The following ZC3H6 variants were observed in gnomAD, a reference collection of about 807,000 sequenced individuals.
The protein encoded by ZC3H6 is zinc finger CCCH domain-containing protein 6.
In ZC3H6, 40 loss-of-function variants were observed where a neutral mutation model predicts 107.7. That is an observed-to-expected ratio of 0.37 (90% CI 0.29 to 0.48). ZC3H6 has a LOEUF of 0.48. Ranked by LOEUF, ZC3H6 falls within the 20% of genes least tolerant of loss-of-function variation. The pLI, the probability that ZC3H6 is intolerant of heterozygous loss-of-function variation, is 0.98. For synonymous variants in ZC3H6, 493 were observed against 487.9 expected (o/e 1.01, Z -0.14); for missense variants, 1,267 against 1,410.4 (o/e 0.90, Z 1.63).
At chr2:112,323,053 G>C (rs1676835946) in intron 9 of ZC3H6, among the ~76,000 whole-genome samples, 151 bp downstream of exon 9, 1 of 152,132 alleles carries the variant, frequency 6.6e-6, no homozygotes. Context: ...TTCCACCTTT[G>C]TTTTCGGTTC....
At chr2:112,281,438 G>C (rs1279230587) in intron 1 of ZC3H6, among the ~76,000 whole-genome samples, 1 of 152,108 alleles carries the variant, frequency 6.6e-6, no homozygotes, top group Non-Finnish European at 1.5e-5. Flanking sequence ...TGAGTAGTAT[G>C]GTAAATGAGG....
rs539860553 is a variant in ZC3H6 at position 112,338,773 on chromosome 2, T to C, written c.*6285T>C. 1.1e-3 allele frequency: 157 copies of C among 149,522 alleles called. No individual in the cohort carries two copies. Among genetic ancestry groups the C allele is most frequent in the African/African-American group, 3.7e-3 (153 of 41,142 alleles). 9.3% of individuals were successfully genotyped at this position (149,522 alleles called of 1,614,324 possible). ...AATATATAGAGGCTCAATTAAAAAA[T>C]AACCATATTCTCAAACCTCCATTAC... On this transcript the variant is annotated 3_prime_UTR_variant, in exon 12 of 12. Transcript: ENST00000409871.
intron 6 of ZC3H6, among the ~76,000 whole-genome samples, chr2:112,316,995 T>G (rs963079435): frequency 6.6e-6 from 1 of 152,138 alleles, no homozygotes; most frequent in Non-Finnish European, 1.5e-5. Context: ...CAGTATCCTG[T>G]GAGGTCTTGC....
At chr2:112,327,352 C>T (rs970472921) in intron 11 of ZC3H6, among the ~76,000 whole-genome samples, 14 of 152,266 alleles carry the variant, frequency 9.2e-5, no homozygotes, top group African/African-American at 3.4e-4. Context: ...ATATTTCGCC[C>T]ATTTTTAAAT....
intron 1 of ZC3H6, among the ~76,000 whole-genome samples, chr2:112,281,427 G>T (rs1437234936): frequency 3.9e-5 from 6 of 152,164 alleles, no homozygotes; most frequent in Admixed American, 1.3e-4. Context: ...TATATGGTAA[G>T]TGAGTAGTAT....
At chr2:112,313,692 G>T (rs936738577) in intron 5 of ZC3H6, among the ~76,000 whole-genome samples, 2 of 152,116 alleles carry the variant, frequency 1.3e-5, no homozygotes, top group Non-Finnish European at 2.9e-5. Context: ...AGAAACAACT[G>T]GGAGTGTGCC....
In ZC3H6 at chr2:112,322,676, A is replaced by C; in HGVS notation, c.1114A>C (p.Asn372His). ...GTTGAATACTGATGAAGAACTCATA[A>C]ATGAAGATGAAAGAGAATTAGAGGA... ...KVLNTDEELI[N>H]EDERELEELR... The change falls in exon 9 of 12, where the codon AAT (asparagine) becomes CAT (histidine). Residue 372 changes from asparagine (N) to histidine (H), a missense_variant. Coordinates refer to ENST00000409871, the MANE Select transcript of ZC3H6 (RefSeq NM_198581.3). The C allele has an allele frequency of 6.2e-7, 1 of 1,608,682 alleles. No individual in the cohort carries two copies. Among genetic ancestry groups the C allele is most frequent in the Non-Finnish European group, 8.5e-7 (1 of 1,178,660 alleles).
rs1391507292 is a variant in ZC3H6 at position 112,325,057 on chromosome 2, G to T, written c.1946G>T (p.Arg649Met). The T allele has an allele frequency of 1.7e-5, 28 of 1,613,808 alleles. No individual in the cohort carries two copies. The highest frequency in any genetic ancestry group is 2.2e-5 in the Non-Finnish European group (26 of 1,179,872). Residue 649 changes from arginine to methionine, a missense_variant, in exon 11 of 12, where the codon AGG becomes ATG. Coordinates refer to ENST00000409871, the MANE Select transcript of ZC3H6 (RefSeq NM_198581.3). ...HGSGSDGSST[R>M]TGHGPLPVPG... is the part of the protein sequence containing the mutation. ...AGTGGGTCTGATGGCAGCAGCACTA[G>T]GACAGGCCATGGCCCTCTGCCTGTA... is the stretch of plus-strand genomic sequence containing the variant.
intron 2 of ZC3H6, among the ~76,000 whole-genome samples, chr2:112,302,622 C>T (rs1676401982): frequency 6.6e-6 from 1 of 152,058 alleles, no homozygotes; most frequent in African/African-American, 2.4e-5. Context: ...GATTTGGTCC[C>T]ATTTTTTTTG....
At position 112,322,870 on chromosome 2, in the gene ZC3H6, T is replaced by C; in HGVS notation, c.1308T>C (p.Pro436=). The change falls in exon 9 of 12, where the codon CCT becomes CCC. Residue 436 remains proline (P), a synonymous_variant. Transcript: ENST00000409871. ...CTCTTTTTGAAATAGTTGTAAAACCTACTGTGGATTTAGCGCATAAAATTG... is the reference window on the plus strand; with the variant it reads ...CTCTTTTTGAAATAGTTGTAAAACCCACTGTGGATTTAGCGCATAAAATTG... The part of the protein sequence containing the change: ...IPSLFEIVVK[P]TVDLAHKIGR... The C allele has an allele frequency of 1.9e-6, 3 of 1,607,302 alleles. 1 individual carries two copies. The South Asian group carries it at 3.4e-5, about 18-fold the overall frequency.
At position 112,303,360 on chromosome 2, in the gene ZC3H6, AT is replaced by A. The variant is rs1192178192; in HGVS notation, c.336+16del. The stretch of plus-strand genomic sequence containing the variant: ...ACATTCCATTTACTCAGGTATTGCC[AT>A]TTTTTTGTTTTGTGATAAAACATAG... On this transcript the variant is annotated intron_variant, in intron 3 of 11. Transcript: ENST00000409871. The A allele has an allele frequency of 6.2e-7, 1 of 1,608,424 alleles. No individual in the cohort carries two copies. Among genetic ancestry groups the A allele is most frequent in the Non-Finnish European group, 8.5e-7 (1 of 1,176,758 alleles).
At position 112,331,297 on chromosome 2, in the gene ZC3H6, T is replaced by C. The variant is rs1425498401; in HGVS notation, c.2379T>C (p.Ser793=). 6.2e-7 allele frequency: 1 copy of C among 1,613,598 alleles called. No homozygotes were observed. Among genetic ancestry groups the C allele is most frequent in the Admixed American group, 1.7e-5 (1 of 60,018 alleles). Residue 793 remains serine, a synonymous_variant, in exon 12 of 12, where the codon AGT becomes AGC. Transcript: ENST00000409871. ...WDPRKLRGNG[S]GHIGSSVGGA... The stretch of plus-strand genomic sequence containing the variant: ...CCAGGAAATTGAGAGGGAATGGAAG[T>C]GGTCACATAGGCTCTTCTGTTGGTG...
intron 2 of ZC3H6, among the ~76,000 whole-genome samples, chr2:112,300,382 T>G (rs1676349461): frequency 6.6e-6 from 1 of 152,124 alleles, no homozygotes; most frequent in Non-Finnish European, 1.5e-5. Context: ...ATGTTTTATT[T>G]TTAGTAGAGA....
chr2:112,283,486 T>TA (rs1246003874), intron 1 of ZC3H6, among the ~76,000 whole-genome samples: 1 of 152,126 alleles, frequency 6.6e-6, no homozygotes, highest in East Asian at 1.9e-4. Context: ...TAAAACTACA[T>TA]AAAAATCAAT....
intron 1 of ZC3H6, among the ~76,000 whole-genome samples, chr2:112,292,875 C>G (rs573632082): frequency 6.6e-6 from 1 of 152,244 alleles, no homozygotes; most frequent in East Asian, 1.9e-4. Context: ...CAGACACTCC[C>G]AGGTAAGCAT....
At position 112,324,229 on chromosome 2, in the gene ZC3H6, A is replaced by G. The variant is rs199722756; in HGVS notation, c.1418A>G (p.Tyr473Cys). 3.1e-6 allele frequency: 5 copies of G among 1,612,526 alleles called. No homozygotes were observed. The Admixed American group carries it at 6.7e-5, about 21-fold the overall frequency. ...QGSSPHPQHI[Y>C]SSGSSPGPGP... is the part of the protein sequence containing the mutation. ...AGCAGTCCACACCCTCAACATATCT[A>G]TAGTTCTGGGTCAAGTCCAGGTCCT... The change falls in exon 10 of 12, where the codon TAT becomes TGT. Residue 473 changes from tyrosine (Y) to cysteine (C), a missense_variant. Physicochemically the swap from Tyr to Cys is radical, Grantham distance 194. This residue lies in a region of ZC3H6 where 925 missense variants were observed against 1,025.7 expected (regional missense o/e 0.90). Coordinates refer to ENST00000409871, the MANE Select transcript of ZC3H6 (RefSeq NM_198581.3).
chr2:112,327,397 G>A (rs1258956261), intron 11 of ZC3H6, among the ~76,000 whole-genome samples: 2 of 152,104 alleles, frequency 1.3e-5, no homozygotes, highest in African/African-American at 4.8e-5. Context: ...AGTTGTTTGA[G>A]CTCCTTATAT....
At chr2:112,290,169 G>C (rs1676083421) in intron 1 of ZC3H6, among the ~76,000 whole-genome samples, 1 of 152,064 alleles carries the variant, frequency 6.6e-6, no homozygotes. Flanking sequence ...TCACCCAACT[G>C]GTCTGCCCTG....
chr2:112,303,820 A>G (rs538823555), intron 3 of ZC3H6, among the ~76,000 whole-genome samples: 21 of 152,276 alleles, frequency 1.4e-4, no homozygotes, highest in African/African-American at 5.1e-4. Context: ...CATGAAAAAA[A>G]GCTTCTACCT....
Sources: allele counts gnomAD v4.1 joint callset (sites outside exome capture counted in the v4.1 genomes callset), GRCh38; gene constraint gnomAD v4.1.1; regional missense constraint gnomAD v4.1.1; transcripts MANE v1.5; gene names NCBI Gene and HGNC (gene_info 2026-07-23, HGNC 2026-07-21).